The following IL1RAP variants were observed in gnomAD, a reference collection of about 807,000 sequenced individuals.
The protein encoded by IL1RAP is interleukin 1 receptor accessory protein.
A neutral mutation model predicts 60.7 loss-of-function variants in IL1RAP; 35 were observed. The ratio of observed to expected loss-of-function variants is 0.58; its 90% CI spans 0.44 to 0.76. The LOEUF (loss-of-function observed/expected upper bound fraction) is 0.76, where lower values mean the gene tolerates loss of function less well. Among genes scored for constraint, IL1RAP ranks in the 30% least tolerant of loss-of-function variants. The pLI is 0.00. For synonymous variants in IL1RAP, 268 were observed against 250.9 expected (o/e 1.07, Z -0.64); for missense variants, 572 against 693.9 (o/e 0.82, Z 1.97).
In IL1RAP at chr3:190,648,949, A is replaced by T. The variant is rs947547798; in HGVS notation, c.*244A>T. 8.0e-7 allele frequency: 1 copy of T among 1,246,068 alleles called. No individual in the cohort carries two copies. Among genetic ancestry groups the T allele is most frequent in the African/African-American group, 1.5e-5 (1 of 65,054 alleles). 77.2% of individuals were successfully genotyped at this position (1,246,068 alleles called of 1,614,324 possible). ...GCCACTATGTTCTTTGCAGGCAAAG[A>T]CTTGTTCAATGCGAATTTCCCCTTC... On this transcript the variant is annotated 3_prime_UTR_variant, in exon 12 of 12. Coordinates refer to ENST00000447382, the MANE Select transcript of IL1RAP (RefSeq NM_002182.4).
intron 3 of IL1RAP, among the ~76,000 whole-genome samples, chr3:190,597,310 A>G (rs1729461188): frequency 6.6e-6 from 1 of 152,236 alleles, no homozygotes; most frequent in African/African-American, 2.4e-5. Flanking sequence ...TTATGAAAGG[A>G]AAATTCTACC....
At chr3:190,594,640 A>G (rs1387595622) in intron 3 of IL1RAP, among the ~76,000 whole-genome samples, 3 of 152,176 alleles carry the variant, frequency 2.0e-5, no homozygotes, top group African/African-American at 7.2e-5. Flanking sequence ...TGTTACTTTT[A>G]AACTGAGTGG....
chr3:190,561,199 C>T (rs1391312713), intron 2 of IL1RAP, among the ~76,000 whole-genome samples: 5 of 152,218 alleles, frequency 3.3e-5, no homozygotes, highest in South Asian at 2.1e-4. Flanking sequence ...CACTCTAAGA[C>T]GCAACAACCA....
rs888490581 is a variant in IL1RAP, at chr3:190,650,962, G to A, written c.*2257G>A. 4.1e-6 allele frequency: 4 copies of A among 985,300 alleles called. No individual in the cohort carries two copies. Among genetic ancestry groups the A allele is most frequent in the Non-Finnish European group, 4.8e-6 (4 of 829,872 alleles). The allele number at this position is 985,300 out of a possible 1,614,324, so 61.0% of individuals were successfully genotyped here. A position where few individuals can be genotyped will look rare whatever the true frequency, so the allele number is the denominator to read the frequency against. ...TGGGCACCCCTAGAAATACCTTGAT[G>A]TTTTTTCTATTTATATGCCTGCCTT... is the stretch of plus-strand genomic sequence containing the variant. On this transcript the variant is annotated 3_prime_UTR_variant, in exon 12 of 12. Coordinates refer to ENST00000447382, the MANE Select transcript of IL1RAP (RefSeq NM_002182.4).
chr3:190,562,108 C>G (rs987164163), intron 2 of IL1RAP, among the ~76,000 whole-genome samples: 1 of 152,154 alleles, frequency 6.6e-6, no homozygotes, highest in East Asian at 1.9e-4. Context: ...TGTGCTTGAG[C>G]AAAACTCAGT....
intron 1 of IL1RAP, among the ~76,000 whole-genome samples, chr3:190,535,293 A>G (rs1723358300): frequency 1.3e-5 from 2 of 152,202 alleles, no homozygotes; most frequent in Non-Finnish European, 2.9e-5. Context: ...TTTAGCAGTG[A>G]TGAACGCTTA....
At chr3:190,644,482 T>A (rs1358241226) in intron 10 of IL1RAP, 85 bp downstream of exon 10, 6 of 1,105,586 alleles carry the variant, frequency 5.4e-6, no homozygotes, top group Admixed American at 2.3e-5. Flanking sequence ...GAAAACATGT[T>A]GATTTGAAAA....
intron 4 of IL1RAP, 91 bp downstream of exon 4, chr3:190,604,504 G>A: frequency 7.5e-7 from 1 of 1,340,666 alleles, no homozygotes; most frequent in South Asian, 1.4e-5. Context: ...CTGGGGAGAA[G>A]TCGGAAGCAT....
At chr3:190,524,028 G>A (rs1182963947) in intron 1 of IL1RAP, among the ~76,000 whole-genome samples, 1 of 152,110 alleles carries the variant, frequency 6.6e-6, no homozygotes, top group Non-Finnish European at 1.5e-5. Context: ...GCCAGCATCT[G>A]TTATTTTCTG....
At position 190,640,977 on chromosome 3, in the gene IL1RAP, T is replaced by TTTTATG. The variant is rs1232599712; in HGVS notation, c.1052-3268_1052-3267insATGTTT. On this transcript the variant is annotated intron_variant, in intron 9 of 11. Transcript: ENST00000447382. ...ATTCTTTTTTTATTTTTATTTTTAT[T>TTTTATG]TTTTTGAGACAGAGTTTTGCTCTTG... 2.0e-5 allele frequency among the ~76,000 whole-genome samples: 3 copies of TTTTATG among 147,442 alleles called. No individual in the cohort carries two copies. In the East Asian group the frequency reaches 5.8e-4, roughly 28 times the overall value.
chr3:190,592,167 G>A lies in IL1RAP; in HGVS notation c.65-11961G>A, dbSNP rs185068793. Among the ~76,000 whole-genome samples, 143 of 152,194 alleles carry A rather than the reference G, an allele frequency of 9.4e-4. 1 individual carries two copies. The highest frequency in any genetic ancestry group is 6.8e-3 in the Middle Eastern group (2 of 294). On this transcript the variant is annotated intron_variant, in intron 3 of 11. Transcript: ENST00000447382. ...CCCAAGTAGCTGGAATTACAGGCAC[G>A]CGCCACCACACCCAGCTAATGTTTC...
intron 3 of IL1RAP, among the ~76,000 whole-genome samples, chr3:190,602,999 C>G (rs1045288146): frequency 2.0e-5 from 3 of 151,864 alleles, no homozygotes; most frequent in Non-Finnish European, 4.4e-5. Context: ...TTCTTGTTTT[C>G]TTAAAATAAA....
intron 3 of IL1RAP, among the ~76,000 whole-genome samples, chr3:190,582,804 C>T (rs919458987): frequency 2.0e-5 from 3 of 152,226 alleles, no homozygotes; most frequent in Admixed American, 6.5e-5. Flanking sequence ...AAGTTCCTTA[C>T]AGCGGCCTAT....
intron 9 of IL1RAP, among the ~76,000 whole-genome samples, chr3:190,635,056 G>A (rs1406138142): frequency 6.6e-6 from 1 of 152,104 alleles, no homozygotes; most frequent in Non-Finnish European, 1.5e-5. Context: ...TGAATTCAGT[G>A]TCCTTTTTAG....
intron 3 of IL1RAP, among the ~76,000 whole-genome samples, chr3:190,584,425 A>G (rs1022476334): frequency 2.0e-5 from 3 of 152,212 alleles, no homozygotes; most frequent in African/African-American, 7.2e-5. Flanking sequence ...GTTTAACCTA[A>G]TAAGAGGCTG....
At chr3:190,580,146 G>A (rs549782172) in intron 3 of IL1RAP, among the ~76,000 whole-genome samples, 1 of 152,256 alleles carries the variant, frequency 6.6e-6, no homozygotes, top group East Asian at 1.9e-4. Context: ...TTGAAGAACT[G>A]CCAACTACGT....
chr3:190,641,552 G>C (rs1402216471), intron 9 of IL1RAP, among the ~76,000 whole-genome samples: 2 of 152,126 alleles, frequency 1.3e-5, no homozygotes, highest in African/African-American at 4.8e-5. Context: ...TATGACAAAT[G>C]ACTGTATGAC....
chr3:190,628,936 G>T (rs1732541115), intron 8 of IL1RAP, among the ~76,000 whole-genome samples: 1 of 152,120 alleles, frequency 6.6e-6, no homozygotes, highest in Admixed American at 6.5e-5. Flanking sequence ...AGGAACCTGA[G>T]ACCTGGAAAG....
intron 3 of IL1RAP, among the ~76,000 whole-genome samples, chr3:190,576,896 G>A (rs376685897): frequency 5.3e-4 from 80 of 151,844 alleles, no homozygotes; most frequent in African/African-American, 1.8e-3. Flanking sequence ...GGCGGATCAC[G>A]AGGTCAGGAG....
Sources: gnomAD v4.1 joint callset for allele counts (sites outside exome capture counted in the v4.1 genomes callset) on GRCh38, gnomAD v4.1.1 for gene constraint, MANE v1.5 for transcripts, NCBI Gene and HGNC (gene_info 2026-07-23, HGNC 2026-07-21) for gene names.